DIDO1: variants seen among roughly 807,000 people sequenced by gnomAD.
DIDO1 encodes death inducer-obliterator 1.
Under a neutral mutation model 99.4 loss-of-function variants are expected in DIDO1, and 16 were observed. That is an observed-to-expected ratio of 0.16 (90% CI 0.11 to 0.24). The LOEUF is 0.24. Among genes scored for constraint, DIDO1 ranks in the 10% least tolerant of loss-of-function variants. DIDO1 has a pLI of 1.00. For missense variants in DIDO1, 2,996 were observed against 3,014.0 expected (o/e 0.99, Z 0.14); for synonymous variants, 1,366 against 1,239.1 (o/e 1.10, Z -2.15).
At chr20:62,926,538 G>A (rs974049041), upstream of DIDO1, 5 of 151,872 alleles carry the variant, frequency 3.3e-5, no homozygotes, top group African/African-American at 9.7e-5. Flanking sequence ...CCCGCGCGGC[G>A]GGCGGAGGAC....
Position 62,895,300 on chromosome 20 carries a change from A to T in DIDO1, c.2215-135T>A. On this transcript the variant is annotated intron_variant, in intron 8 of 15. Transcript: ENST00000395343. ...CCCTCAGGGCCCACTTGCGTGTGGCACTGGGCAGAGCCCTCCCTGCAGGGT... is the reference window on the plus strand; with the variant it reads ...CCCTCAGGGCCCACTTGCGTGTGGCTCTGGGCAGAGCCCTCCCTGCAGGGT... 6 of 763,634 alleles carry T rather than the reference A, an allele frequency of 7.9e-6. No homozygotes were observed. The South Asian group carries it at 8.4e-5, about 11-fold the overall frequency. The allele number at this position is 763,634 out of a possible 1,614,324, so 47.3% of individuals were successfully genotyped here.
At chr20:62,933,135 C>T (rs557017654) in intron 1 of DIDO1, among the ~76,000 whole-genome samples, 66 of 152,272 alleles carry the variant, frequency 4.3e-4, no homozygotes, top group African/African-American at 1.5e-3. Context: ...TCGCTTAAAC[C>T]GGTAGGCGGA....
intron 3 of DIDO1, 150 bp downstream of exon 3, chr20:62,910,624 C>T (rs771140507): frequency 2.8e-4 from 270 of 961,092 alleles, no homozygotes; most frequent in Non-Finnish European, 3.8e-4. Flanking sequence ...AAGTCCTTAG[C>T]CACTCTTATG....
intron 1 of DIDO1, among the ~76,000 whole-genome samples, chr20:62,931,587 C>T (rs967157437): frequency 6.6e-6 from 1 of 152,060 alleles, no homozygotes; most frequent in Non-Finnish European, 1.5e-5. Flanking sequence ...AATAGAGACC[C>T]GCGAAAAAGG....
intron 1 of DIDO1, among the ~76,000 whole-genome samples, chr20:62,925,988 C>T (rs2065244914): frequency 6.6e-6 from 1 of 152,138 alleles, no homozygotes; most frequent in African/African-American, 2.4e-5. Context: ...ACCCAAGGCC[C>T]GGGAGGAAGC....
chr20:62,895,225 G>C, intron 8 of DIDO1, 60 bp from the exon 9 acceptor site: 1 of 1,490,060 alleles, frequency 6.7e-7, no homozygotes, highest in Non-Finnish European at 9.3e-7. Flanking sequence ...AATACAGAGA[G>C]CTTCTGGAAA....
intron 6 of DIDO1, chr20:62,905,639 AGGTG>A: frequency 6.4e-7 from 1 of 1,563,196 alleles, no homozygotes; most frequent in Non-Finnish European, 8.7e-7. Flanking sequence ...TCAATCATTA[AGGTG>A]AACGTTCACC....
chr20:62,898,368 T>C lies in DIDO1; in HGVS notation c.1589-1372A>G, dbSNP rs535318141. Among the ~76,000 whole-genome samples the C allele has an allele frequency of 9.2e-5, 14 of 152,290 alleles. 1 individual carries two copies. In the South Asian group the frequency reaches 2.9e-3, roughly 32 times the overall value. On this transcript the variant is annotated intron_variant, in intron 6 of 15. Coordinates refer to ENST00000395343, the MANE Select transcript of DIDO1 (RefSeq NM_001193369.2). ...GCAGCAGCCTCAGGGCTGCAAGTCT[T>C]CCCAACTTCCCAGATAAGTACAACT...
chr20:62,880,402 T>C lies in DIDO1; in HGVS notation c.5554A>G (p.Lys1852Glu), dbSNP rs758940582. Residue 1852 changes from lysine (K) to glutamate (E), a missense_variant, in exon 16 of 16, where the codon AAG becomes GAG. Transcript: ENST00000395343. ...TACGGGGCGTCCTGGAACTCCCTCT[T>C]CTCCCCATGGGGATCCTTGCGTTCT... is the stretch of plus-strand genomic sequence containing the variant. ...FEERKDPHGE[K>E]REFQDAPYNE... The C allele has an allele frequency of 2.5e-6, 4 of 1,612,652 alleles. No homozygotes were observed. The Admixed American group carries it at 6.7e-5, about 27-fold the overall frequency.
intron 1 of DIDO1, among the ~76,000 whole-genome samples, chr20:62,917,141 C>T (rs1289393407): frequency 6.6e-6 from 1 of 152,184 alleles, no homozygotes; most frequent in Non-Finnish European, 1.5e-5. Flanking sequence ...GGTCTTCCCA[C>T]CTCACCCTCC....
intron 6 of DIDO1, among the ~76,000 whole-genome samples, chr20:62,901,248 G>C (rs1211305914): frequency 1.3e-4 from 20 of 152,174 alleles, no homozygotes; most frequent in Admixed American, 1.3e-3. Flanking sequence ...CCGTGTTTTG[G>C]AATACTCAAA....
intron 15 of DIDO1, 84 bp downstream of exon 15, chr20:62,890,876 G>C: frequency 1.2e-6 from 2 of 1,610,830 alleles, no homozygotes; most frequent in Non-Finnish European, 1.7e-6. Flanking sequence ...CCCTGGGCTG[G>C]TCAGGACTCA....
Position 62,879,693 on chromosome 20 carries a change from C to T in DIDO1, c.6263G>A (p.Arg2088Lys). Residue 2088 changes from arginine (R) to lysine (K), a missense_variant, in exon 16 of 16, where the codon AGA becomes AAA. Around this residue, in one of 5 missense-constraint regions of DIDO1, gnomAD observed 1,562 missense variants for 1,412.6 expected, o/e 1.11. Coordinates refer to ENST00000395343, the MANE Select transcript of DIDO1 (RefSeq NM_001193369.2). This position sits in a 1 kb window ranked among gnomAD's most constrained non-coding sequence, Gnocchi z 6.3. The part of the protein sequence containing the change: ...YRNQTFEGRQ[R>K]ERFDVGPKEK... ...TTTGGGCCCCACGTCAAACCGCTCT[C>T]TCTGCCTCCCTTCGAAAGTCTGGTT... 3 of 1,610,938 alleles carry T rather than the reference C, an allele frequency of 1.9e-6. No homozygotes were observed. Among genetic ancestry groups the T allele is most frequent in the Non-Finnish European group, 1.7e-6 (2 of 1,179,822 alleles).
intron 6 of DIDO1, among the ~76,000 whole-genome samples, chr20:62,903,260 T>C (rs2064724032): frequency 6.6e-6 from 1 of 152,220 alleles, no homozygotes; most frequent in African/African-American, 2.4e-5. Context: ...TGGCAGAGTG[T>C]CTGTGCACAC....
At chr20:62,937,731 C>T (rs992628210) in intron 1 of DIDO1, 10 of 397,766 alleles carry the variant, frequency 2.5e-5, no homozygotes, top group African/African-American at 8.2e-5. Flanking sequence ...GCCGCGGACA[C>T]CCGGCGCCTT....
chr20:62,907,631 G>A (rs556026863), intron 4 of DIDO1, among the ~76,000 whole-genome samples: 5 of 152,360 alleles, frequency 3.3e-5, no homozygotes, highest in East Asian at 3.9e-4. Context: ...CACCCCTCTC[G>A]AGGGTGGGCG....
chr20:62,926,883 G>A (rs903908817), upstream of DIDO1, among the ~76,000 whole-genome samples: 2 of 152,148 alleles, frequency 1.3e-5, no homozygotes, highest in Non-Finnish European at 2.9e-5. Context: ...AAAGCTCCTG[G>A]GCTAAATTTG....
At position 62,882,269 on chromosome 20, in the gene DIDO1, T is replaced by A. The variant is rs1021266847; in HGVS notation, c.3687A>T (p.Pro1229=). The part of the protein sequence containing the change: ...QPEEADVPAY[P]KVATVPQSEK... ...CCGACTGCGGGACTGTGGCTACTTT[T>A]GGATAGGCCGGAACGTCCGCTTCTT... The change falls in exon 16 of 16, where the codon CCA becomes CCT. Residue 1229 remains proline (P), a synonymous_variant. Transcript: ENST00000395343. The A allele has an allele frequency of 1.2e-6, 2 of 1,614,030 alleles. No individual in the cohort carries two copies. Among genetic ancestry groups the A allele is most frequent in the East Asian group, 4.5e-5 (2 of 44,892 alleles).
chr20:62,893,063 G>A, intron 12 of DIDO1, 101 bp from the exon 13 acceptor site: 1 of 1,311,530 alleles, frequency 7.6e-7, no homozygotes. Flanking sequence ...ATCTCATTCT[G>A]TCATGCAGGC....
Sources: gnomAD v4.1 joint callset for allele counts (sites outside exome capture counted in the v4.1 genomes callset) on GRCh38, gnomAD v4.1.1 for gene constraint, gnomAD v4.1.1 regional missense constraint, Gnocchi (gnomAD v3.1) non-coding constraint, MANE v1.5 for transcripts, NCBI Gene and HGNC (gene_info 2026-07-23, HGNC 2026-07-21) for gene names.